Variants in PHF8 observed in about 807,000 individuals in gnomAD.
PHF8 encodes the protein PHD finger protein 8.
In PHF8, 9 loss-of-function variants were observed where a neutral mutation model predicts 74.4. The observed-to-expected ratio is 0.12, with a 90% confidence interval of 0.07 to 0.21. PHF8 has a LOEUF of 0.21. Among genes scored for constraint, PHF8 ranks in the 10% least tolerant of loss-of-function variants. The pLI, the probability that PHF8 is intolerant of heterozygous loss-of-function variation, is 1.00. For synonymous variants in PHF8, 311 were observed against 316.6 expected, an observed-to-expected ratio of 0.98 and a Z score of 0.19; for missense variants, 478 against 816.6, an observed-to-expected ratio of 0.59 and a Z score of 5.05.
chrX:53,997,256 T>C (rs2065763169), intron 11 of PHF8, among the ~76,000 whole-genome samples: 1 of 111,621 alleles, frequency 9.0e-6, no homozygotes, highest in Non-Finnish European at 1.9e-5. Context: ...TGTCTCTCTT[T>C]CGTTTGCCCT....
chrX:53,978,724 G>T (rs1557097019), intron 18 of PHF8, among the ~76,000 whole-genome samples: 1 of 106,029 alleles, frequency 9.4e-6, no homozygotes, highest in Non-Finnish European at 1.9e-5. Flanking sequence ...CGTGAATCCG[G>T]AAGGCAGAGG....
intron 18 of PHF8, 151 bp from the exon 19 acceptor site, chrX:53,963,090 C>T (rs2065128434): frequency 2.1e-6 from 1 of 484,092 alleles, no homozygotes; most frequent in Non-Finnish European, 3.7e-6. Context: ...GTACCACATA[C>T]ATTTCATGCC....
chrX:53,980,552 T>C (rs1557097666), intron 18 of PHF8, among the ~76,000 whole-genome samples: 1 of 111,770 alleles, frequency 8.9e-6, no homozygotes, highest in Non-Finnish European at 1.9e-5. Context: ...AGCCACCCAG[T>C]CTGTGATATT....
chrX:53,951,677 C>A (rs897155110), intron 19 of PHF8, among the ~76,000 whole-genome samples: 2 of 110,103 alleles, frequency 1.8e-5, no homozygotes, highest in African/African-American at 6.6e-5. Context: ...TGGTCTTGAT[C>A]TCCTGACCTC....
chrX:54,007,582 G>C (rs2065915491), intron 8 of PHF8, among the ~76,000 whole-genome samples: 1 of 111,356 alleles, frequency 9.0e-6, no homozygotes, highest in Non-Finnish European at 1.9e-5. Flanking sequence ...TTAAAGAATG[G>C]GCAAAAGATT....
At position 54,044,430 on chromosome X, in the gene PHF8, G is replaced by C. The variant is rs2066613582; in HGVS notation, c.-761C>G. 1.3e-6 allele frequency: 1 copy of C among 753,434 alleles called. No individual in the cohort carries two copies. The highest frequency in any genetic ancestry group is 1.6e-6 in the Non-Finnish European group (1 of 637,953). 62.1% of individuals were successfully genotyped at this position (753,434 alleles called of 1,213,427 possible). A position where few individuals can be genotyped will look rare whatever the true frequency, so the allele number is the denominator to read the frequency against. On this transcript the variant is annotated 5_prime_UTR_variant, in exon 1 of 22. Coordinates refer to ENST00000338154, the MANE Select transcript of PHF8 (RefSeq NM_015107.3). ...ATGTTGAGAGTGGCGGCGCTACCCAGACAACCAAGGCGACCGCCATCTTAT... is the reference window on the plus strand; with the variant it reads ...ATGTTGAGAGTGGCGGCGCTACCCACACAACCAAGGCGACCGCCATCTTAT...
intron 19 of PHF8, among the ~76,000 whole-genome samples, chrX:53,955,561 T>TC (rs1467254401): frequency 8.1e-4 from 83 of 101,930 alleles, no homozygotes; most frequent in Non-Finnish European, 1.2e-3. Flanking sequence ...TCTTTTCTTT[T>TC]TTTTTTTTTT....
intron 18 of PHF8, among the ~76,000 whole-genome samples, chrX:53,966,573 G>C (rs1440178059): frequency 8.9e-6 from 1 of 111,747 alleles, no homozygotes; most frequent in Non-Finnish European, 1.9e-5. Context: ...GCGTGATCTC[G>C]GCTCGCTACA....
At chrX:53,985,305 A>G in intron 17 of PHF8, 78 bp from the exon 18 acceptor site, 1 of 806,146 alleles carries the variant, frequency 1.2e-6, no homozygotes, top group Non-Finnish European at 1.8e-6. Flanking sequence ...ATACTCAGGG[A>G]GGAGGGATGA....
chrX:54,007,310 T>G (rs929416682), intron 8 of PHF8, among the ~76,000 whole-genome samples: 1 of 111,725 alleles, frequency 9.0e-6, no homozygotes, highest in African/African-American at 3.3e-5. Flanking sequence ...ATAAAATGCT[T>G]AGAAGAAAAC....
chrX:53,967,249 C>T (rs1557093118), intron 18 of PHF8, among the ~76,000 whole-genome samples: 4 of 96,938 alleles, frequency 4.1e-5, no homozygotes, highest in Non-Finnish European at 6.6e-5. Context: ...GGCCAGCCGC[C>T]CCGTCCGGGA....
chrX:54,017,921 G>T, intron 4 of PHF8, 100 bp from the exon 5 acceptor site: 1 of 760,624 alleles, frequency 1.3e-6, no homozygotes, highest in Non-Finnish European at 2.0e-6. Flanking sequence ...TTTATGAGGG[G>T]ACTTAATGTG....
Position 54,009,844 on chromosome X carries a change from G to GGAAAA in PHF8, c.946+1277_946+1278insTTTTC, listed in dbSNP as rs2065952773. Among the ~76,000 whole-genome samples, 33 of 9,390 alleles carry GGAAAA rather than the reference G, an allele frequency of 3.5e-3. 6 individuals are homozygous for GGAAAA. Among genetic ancestry groups the GGAAAA allele is most frequent in the African/African-American group, 4.2e-3 (27 of 6,417 alleles). 8.2% of individuals were successfully genotyped at this position (9,390 alleles called of 115,157 possible). ...GGTGACAGAGTGAGACTCTGTCTCA[G>GGAAAA]AAAAAAAAAAAAAAAAAAAAAAAAA... On this transcript the variant is annotated intron_variant, in intron 8 of 21. Coordinates refer to ENST00000338154, the MANE Select transcript of PHF8 (RefSeq NM_015107.3).
At chrX:53,957,635 G>A (rs1557089167) in intron 19 of PHF8, among the ~76,000 whole-genome samples, 1 of 112,157 alleles carries the variant, frequency 8.9e-6, no homozygotes, top group African/African-American at 3.2e-5. Flanking sequence ...CTGATTTTGT[G>A]GGACAGCAAT....
chrX:53,953,786 G>C (rs1352174757), intron 19 of PHF8, among the ~76,000 whole-genome samples: 2 of 111,385 alleles, frequency 1.8e-5, no homozygotes, highest in Non-Finnish European at 3.8e-5. Flanking sequence ...AACTTTGGCA[G>C]CTATTAGAAC....
At chrX:53,958,775 CAAAAAAAAAA>C (rs1203323417) in intron 19 of PHF8, among the ~76,000 whole-genome samples, 23 of 13,174 alleles carry the variant, frequency 1.7e-3, no homozygotes, top group Non-Finnish European at 2.9e-3. Flanking sequence ...GACTCCCTCT[CAAAAAAAAAA>C]AAAAAAAAAA....
At chrX:53,978,617 T>C (rs1557096981) in intron 18 of PHF8, among the ~76,000 whole-genome samples, 2 of 108,213 alleles carry the variant, frequency 1.8e-5, no homozygotes, top group African/African-American at 3.4e-5. Context: ...GCCAACATAG[T>C]GAAACCCCGT....
intron 18 of PHF8, among the ~76,000 whole-genome samples, chrX:53,975,034 C>T (rs782739683): frequency 9.0e-6 from 1 of 111,700 alleles, no homozygotes; most frequent in Non-Finnish European, 1.9e-5. Context: ...CAAACCTGCA[C>T]ATCCTGCACA....
At chrX:54,015,958 C>A (rs924657840) in intron 6 of PHF8, among the ~76,000 whole-genome samples, 2 of 110,866 alleles carry the variant, frequency 1.8e-5, no homozygotes, top group South Asian at 3.8e-4. Context: ...GAACTGAGGA[C>A]CTATCCCACC....
Sources: gnomAD v4.1 joint callset for allele counts (sites outside exome capture counted in the v4.1 genomes callset) on GRCh38, gnomAD v4.1.1 for gene constraint, MANE v1.5 for transcripts, NCBI Gene and HGNC (gene_info 2026-07-23, HGNC 2026-07-21) for gene names.